The following ZNF492 variants were observed in gnomAD, a reference collection of about 807,000 sequenced individuals.
ZNF492 encodes zinc finger protein 115 (Y20).
Under a neutral mutation model 6.4 loss-of-function variants are expected in ZNF492, and 3 were observed. That is an observed-to-expected ratio of 0.47 (90% confidence interval 0.21 to 1.22). The LOEUF (loss-of-function observed/expected upper bound fraction) is 1.22. Among genes scored for constraint, ZNF492 ranks in the 50% most tolerant of loss-of-function variants. The probability of loss-of-function intolerance (pLI) is 0.22; values close to 1 mark genes in which losing one functional copy is unlikely to be tolerated. For synonymous variants in ZNF492, 112 were observed against 205.3 expected, an observed-to-expected ratio of 0.55 and a Z score of 3.89; for missense variants, 356 against 612.5, an observed-to-expected ratio of 0.58 and a Z score of 4.42.
chr19:22,650,467 G>T (rs1049651157), intron 1 of ZNF492, among the ~76,000 whole-genome samples: 25 of 151,858 alleles, frequency 1.6e-4, no homozygotes, highest in African/African-American at 4.9e-4. Context: ...TGCTTCACTG[G>T]GGTTAAACTC....
At position 22,665,419 on chromosome 19, in the gene ZNF492, C is replaced by T. The variant is rs1248330033; in HGVS notation, c.*154C>T. The stretch of plus-strand genomic sequence containing the variant: ...CTTATTGCACAGGAAAGCCTTTATA[C>T]TTGAGAACAAATGTACAAATATAAA... On this transcript the variant is annotated 3_prime_UTR_variant, in exon 4 of 4. Coordinates refer to ENST00000456783, the MANE Select transcript of ZNF492 (RefSeq NM_020855.3). The T allele has an allele frequency of 1.4e-5, 20 of 1,403,630 alleles. No individual in the cohort carries two copies. Among genetic ancestry groups the T allele is most frequent in the Non-Finnish European group, 1.9e-5 (20 of 1,059,936 alleles). 86.9% of individuals were successfully genotyped at this position (1,403,630 alleles called of 1,614,324 possible).
chr19:22,650,608 C>T (rs1043153777), intron 1 of ZNF492, among the ~76,000 whole-genome samples: 3 of 152,068 alleles, frequency 2.0e-5, no homozygotes, highest in Non-Finnish European at 2.9e-5. Flanking sequence ...GTCCCTGAGC[C>T]CCTGGCTGGA....
intron 3 of ZNF492, among the ~76,000 whole-genome samples, chr19:22,662,041 C>T (rs1037002417): frequency 1.3e-5 from 2 of 152,068 alleles, no homozygotes; most frequent in African/African-American, 4.8e-5. Flanking sequence ...AGTTATATTA[C>T]ATAGGTATAC....
chr19:22,642,882 T>C (rs1182993095), intron 1 of ZNF492, among the ~76,000 whole-genome samples: 5 of 152,158 alleles, frequency 3.3e-5, no homozygotes, highest in Non-Finnish European at 7.3e-5. Context: ...CAATACAGAA[T>C]GATAAAGACT....
At chr19:22,636,475 ATCTATGTTGC>A (rs142711232) in intron 1 of ZNF492, among the ~76,000 whole-genome samples, 29,275 of 150,428 alleles carry the variant, frequency 0.19, 3,683 homozygotes, top group African/African-American at 0.37. Flanking sequence ...CTCCAGCTTC[ATCTATGTTGC>A]TCTATGTTGC....
intron 3 of ZNF492, among the ~76,000 whole-genome samples, chr19:22,657,258 T>C (rs1177580472): frequency 2.0e-5 from 3 of 152,140 alleles, no homozygotes; most frequent in Non-Finnish European, 4.4e-5. Context: ...ACCTAAAATA[T>C]GACATGATTT....
chr19:22,652,502 T>A (rs1282945331), intron 1 of ZNF492, among the ~76,000 whole-genome samples: 1 of 151,954 alleles, frequency 6.6e-6, no homozygotes, highest in East Asian at 1.9e-4. Context: ...ACAAAATAGT[T>A]TTCTTGGACC....
At chr19:22,638,038 A>T (rs1186434252) in intron 1 of ZNF492, among the ~76,000 whole-genome samples, 1 of 151,930 alleles carries the variant, frequency 6.6e-6, no homozygotes, top group Admixed American at 6.6e-5. Context: ...CACCCTTTTC[A>T]TGTTTTTTGT....
At chr19:22,654,973 G>T (rs118081747) in intron 3 of ZNF492, among the ~76,000 whole-genome samples, 12,056 of 151,460 alleles carry the variant, frequency 0.08, 525 homozygotes, top group South Asian at 0.11. Context: ...AATCTAGAGA[G>T]CACTGTAGAT....
intron 1 of ZNF492, among the ~76,000 whole-genome samples, chr19:22,634,694 C>T (rs1971742037): frequency 6.6e-6 from 1 of 152,264 alleles, no homozygotes; most frequent in South Asian, 2.1e-4. Context: ...TGCGCAGTGA[C>T]GGTGCCCTGG....
chr19:22,647,504 C>T (rs1178629577), intron 1 of ZNF492, among the ~76,000 whole-genome samples: 3 of 149,904 alleles, frequency 2.0e-5, no homozygotes, highest in Non-Finnish European at 4.4e-5. Flanking sequence ...TCAGGTGATC[C>T]CCCCCAATCT....
intron 1 of ZNF492, 51 bp downstream of exon 1, chr19:22,634,525 A>T: frequency 7.3e-7 from 1 of 1,365,630 alleles, no homozygotes; most frequent in Non-Finnish European, 1.0e-6. Flanking sequence ...GCTGGTTGGA[A>T]CCGGTGGCAA....
intron 1 of ZNF492, among the ~76,000 whole-genome samples, chr19:22,642,367 CTAAATAAACCTTTTGTCTTTTTTTTTTT>C (rs1971835906): frequency 6.8e-6 from 1 of 147,456 alleles, no homozygotes; most frequent in Non-Finnish European, 1.5e-5. Context: ...ATATTAACAG[CTAAATAAACCTTTTGTCTTTTTTTTTTT>C]TTTTTTTTTT....
At chr19:22,662,855 T>G (rs1972072737) in intron 3 of ZNF492, among the ~76,000 whole-genome samples, 1 of 152,046 alleles carries the variant, frequency 6.6e-6, no homozygotes, top group South Asian at 2.1e-4. Context: ...GATGGGTAGA[T>G]TGCATAGATT....
chr19:22,663,711 G>A (rs1972082205), intron 3 of ZNF492, 89 bp from the exon 4 acceptor site: 9 of 1,238,406 alleles, frequency 7.3e-6, no homozygotes, highest in African/African-American at 1.6e-5. Flanking sequence ...ATCTTGTGAT[G>A]TAGTTTGTAT....
intron 3 of ZNF492, among the ~76,000 whole-genome samples, chr19:22,661,527 A>G (rs920383100): frequency 3.9e-5 from 6 of 152,096 alleles, no homozygotes; most frequent in Admixed American, 1.3e-4. Context: ...AGTCTCTCAA[A>G]CATGTTCTTA....
At chr19:22,652,238 T>TTTTTTTTTTG (rs1971947686) in intron 1 of ZNF492, among the ~76,000 whole-genome samples, 1 of 124,116 alleles carries the variant, frequency 8.1e-6, no homozygotes, top group Non-Finnish European at 1.6e-5. Flanking sequence ...TTTTTTTTTT[T>TTTTTTTTTTG]GAGACGGAGT....
chr19:22,640,165 A>ATT (rs202184886), intron 1 of ZNF492, among the ~76,000 whole-genome samples: 16 of 147,008 alleles, frequency 1.1e-4, no homozygotes, highest in African/African-American at 3.0e-4. Flanking sequence ...TTCATGTGTG[A>ATT]TTTTTTTTTT....
At chr19:22,646,574 A>C (rs1288608529) in intron 1 of ZNF492, among the ~76,000 whole-genome samples, 3 of 152,214 alleles carry the variant, frequency 2.0e-5, no homozygotes, top group Non-Finnish European at 4.4e-5. Flanking sequence ...ATGGTGAGAA[A>C]GGACATCCTT....
Sources: gnomAD v4.1 joint callset for allele counts (sites outside exome capture counted in the v4.1 genomes callset) on GRCh38, gnomAD v4.1.1 for gene constraint, MANE v1.5 for transcripts, NCBI Gene and HGNC (gene_info 2026-07-23, HGNC 2026-07-21) for gene names.